NTM: variants seen among roughly 807,000 people sequenced by gnomAD.
NTM encodes the protein neurotrimin, also known as IgLON family member 2.
In NTM, 13 loss-of-function variants were observed where a neutral mutation model predicts 42.1. That is an observed-to-expected ratio of 0.31 (90% confidence interval 0.20 to 0.49). The LOEUF is 0.49. NTM is among the 20% of genes least tolerant of loss of function. The pLI is 0.99. For missense variants in NTM, 373 were observed against 452.8 expected (o/e 0.82, Z 1.60); for synonymous variants, 187 against 179.2 (o/e 1.04, Z -0.35).
At chr11:132,321,087 A>G (rs2095557978) in intron 7 of NTM, among the ~76,000 whole-genome samples, 1 of 152,142 alleles carries the variant, frequency 6.6e-6, no homozygotes, top group Non-Finnish European at 1.5e-5. Context: ...AAAACAGAAC[A>G]GAAAAACTGG....
chr11:131,454,643 G>A (rs1355793994), intron 1 of NTM, among the ~76,000 whole-genome samples: 1 of 152,092 alleles, frequency 6.6e-6, no homozygotes, highest in African/African-American at 2.4e-5. Context: ...CACGTTTGCC[G>A]GTGCTATAAA....
intron 1 of NTM, among the ~76,000 whole-genome samples, chr11:131,869,698 T>A (rs962085905): frequency 2.6e-5 from 4 of 152,216 alleles, no homozygotes; most frequent in Non-Finnish European, 5.9e-5. Flanking sequence ...AATTTAATTG[T>A]AGATCTCAGG....
chr11:131,553,135 C>T (rs556216521), intron 1 of NTM, among the ~76,000 whole-genome samples: 1 of 151,968 alleles, frequency 6.6e-6, no homozygotes, highest in Non-Finnish European at 1.5e-5. Context: ...AGGAGTTATG[C>T]TTTGTAAGGA....
At chr11:132,250,679 GT>G (rs1469561814) in intron 4 of NTM, among the ~76,000 whole-genome samples, 1 of 150,800 alleles carries the variant, frequency 6.6e-6, no homozygotes, top group Non-Finnish European at 1.5e-5. Flanking sequence ...CTTTACACCA[GT>G]ATTTTTAATT....
chr11:131,482,077 T>C (rs1953659589), intron 1 of NTM, among the ~76,000 whole-genome samples: 2 of 152,308 alleles, frequency 1.3e-5, no homozygotes, highest in South Asian at 4.1e-4. Flanking sequence ...TAGTTGGAAT[T>C]GGGCCAAGGG....
intron 1 of NTM, among the ~76,000 whole-genome samples, chr11:131,718,015 G>A (rs1425972228): frequency 6.6e-6 from 1 of 152,124 alleles, no homozygotes; most frequent in East Asian, 1.9e-4. Context: ...TACATTGGTT[G>A]ATTATTTTTA....
chr11:132,316,965 GAAGTTAGAAAGGCAGCAAAATTATCATC>G (rs2095444981), intron 7 of NTM, among the ~76,000 whole-genome samples: 2 of 152,226 alleles, frequency 1.3e-5, no homozygotes, highest in Admixed American at 1.3e-4. Flanking sequence ...ACTTCTTGAT[GAAGTTAGAAAGGCAGCAAAATTATCATC>G]ATTTTGCCAC....
At position 131,757,227 on chromosome 11, in the gene NTM, A is replaced by T. The variant is rs551217379; in HGVS notation, c.83-154337A>T. ...AGCTGCAGCTCTTGCCACCAGAAAGATCACTTCTTTCTTTGGTTCTTCAGT... is the reference window on the plus strand; with the variant it reads ...AGCTGCAGCTCTTGCCACCAGAAAGTTCACTTCTTTCTTTGGTTCTTCAGT... On this transcript the variant is annotated intron_variant, in intron 1 of 8. Transcript: ENST00000683400. Among the ~76,000 whole-genome samples, 15 of 152,308 alleles carry T rather than the reference A, an allele frequency of 9.8e-5. 3 individuals are homozygous for T. Among genetic ancestry groups the T allele is most frequent in the African/African-American group, 3.4e-4 (14 of 41,572 alleles).
chr11:131,562,931 A>C lies in NTM; in HGVS notation c.82+192043A>C, dbSNP rs1442047581. 3.3e-5 allele frequency among the ~76,000 whole-genome samples: 5 copies of C among 152,160 alleles called. No individual in the cohort carries two copies. The East Asian group carries it at 5.8e-4, about 18-fold the overall frequency. ...GGAATTCTCTGAGTCCTGCATATGC[A>C]TGAGGTCTGCAGACCTGGGCCCTCC... On this transcript the variant is annotated intron_variant, in intron 1 of 8. Transcript: ENST00000683400.
chr11:131,839,943 G>C (rs75011679), intron 1 of NTM, among the ~76,000 whole-genome samples: 5,696 of 152,242 alleles, frequency 0.037, 320 homozygotes, highest in African/African-American at 0.13. Flanking sequence ...GAGACAGGGA[G>C]GGGGCAGCAG....
intron 1 of NTM, among the ~76,000 whole-genome samples, chr11:131,747,489 C>A (rs2081964787): frequency 6.6e-6 from 1 of 152,202 alleles, no homozygotes; most frequent in Non-Finnish European, 1.5e-5. Context: ...CTATTAAATG[C>A]AATAGCTTTG....
At chr11:131,435,728 G>A (rs1221147304) in intron 1 of NTM, among the ~76,000 whole-genome samples, 2 of 152,200 alleles carry the variant, frequency 1.3e-5, no homozygotes, top group South Asian at 2.1e-4. Context: ...CATGTCATCT[G>A]CAAACAGGGA....
At position 131,389,538 on chromosome 11, in the gene NTM, C is replaced by A. The variant is rs187416861; in HGVS notation, c.82+18650C>A. On this transcript the variant is annotated intron_variant, in intron 1 of 8. Transcript: ENST00000683400. ...GGGCAATCCACCCAGGCTTCTAGAG[C>A]CTCGGGAAGAACGTGTAAAACTATT... Among the ~76,000 whole-genome samples the A allele has an allele frequency of 3.3e-5, 5 of 152,312 alleles. No homozygotes were observed. In the East Asian group the frequency reaches 9.6e-4, roughly 29 times the overall value.
At chr11:131,943,061 T>C (rs552182049) in intron 2 of NTM, among the ~76,000 whole-genome samples, 4 of 152,264 alleles carry the variant, frequency 2.6e-5, no homozygotes, top group Non-Finnish European at 5.9e-5. Context: ...AGTCAAGGTG[T>C]TGGAGTCGTC....
At chr11:132,023,576 T>C (rs2074682347) in intron 2 of NTM, among the ~76,000 whole-genome samples, 1 of 152,164 alleles carries the variant, frequency 6.6e-6, no homozygotes, top group Admixed American at 6.5e-5. Flanking sequence ...TAGCTCTCTT[T>C]GCATTTCCAG....
intron 1 of NTM, among the ~76,000 whole-genome samples, chr11:131,485,687 G>T (rs550664248): frequency 3.9e-5 from 6 of 152,186 alleles, no homozygotes; most frequent in Non-Finnish European, 7.3e-5. Flanking sequence ...TGCAGACAGG[G>T]TATTGATACC....
chr11:132,081,958 A>G (rs572158005), intron 2 of NTM, among the ~76,000 whole-genome samples: 1 of 148,156 alleles, frequency 6.7e-6, no homozygotes, highest in Non-Finnish European at 1.5e-5. Context: ...TTATATATAT[A>G]TATATAGTGA....
intron 2 of NTM, among the ~76,000 whole-genome samples, chr11:132,042,348 G>A (rs2077319064): frequency 6.6e-6 from 1 of 152,182 alleles, no homozygotes; most frequent in Non-Finnish European, 1.5e-5. Flanking sequence ...CCCAAGGGAT[G>A]TTTATACTTC....
intron 2 of NTM, among the ~76,000 whole-genome samples, chr11:132,046,007 T>G (rs1432303748): frequency 6.6e-6 from 1 of 152,208 alleles, no homozygotes; most frequent in Non-Finnish European, 1.5e-5. Context: ...CAAAATGGAA[T>G]TTTATCTGTG....
Sources: gnomAD v4.1 joint callset for allele counts (sites outside exome capture counted in the v4.1 genomes callset) on GRCh38, gnomAD v4.1.1 for gene constraint, MANE v1.5 for transcripts, NCBI Gene and HGNC (gene_info 2026-07-23, HGNC 2026-07-21) for gene names.